Variants in DPH6 observed in about 807,000 individuals in gnomAD.
The protein encoded by DPH6 is diphthine--ammonia ligase.
Under a neutral mutation model 38.2 loss-of-function variants are expected in DPH6, and 33 were observed. The ratio of observed to expected loss-of-function variants is 0.86; its 90% CI spans 0.65 to 1.15. DPH6 has a LOEUF of 1.15. Ranked by LOEUF, DPH6 falls within the 50% of genes most tolerant of loss-of-function variation. The pLI is 0.00. For missense variants in DPH6, 325 were observed against 320.0 expected (o/e 1.02, Z -0.12); for synonymous variants, 108 against 103.0 (o/e 1.05, Z -0.30).
chr15:35,170,019 C>T, the DPH6 span, among the ~76,000 whole-genome samples: 6,142 of 152,276 alleles, frequency 0.04, 339 homozygotes, highest in East Asian at 0.3. Flanking sequence ...GTCTGACATA[C>T]AACTGCATTT....
At chr15:35,286,768 A>T (rs2051946655) in intron 3 of DPH6, among the ~76,000 whole-genome samples, 1 of 152,184 alleles carries the variant, frequency 6.6e-6, no homozygotes, top group Non-Finnish European at 1.5e-5. Flanking sequence ...TATTTGAAAA[A>T]GTTTTTCTTT....
chr15:35,405,436 T>A (rs2053278751), intron 6 of DPH6, among the ~76,000 whole-genome samples: 1 of 152,064 alleles, frequency 6.6e-6, no homozygotes, highest in South Asian at 2.1e-4. Context: ...TTTGGTCAAT[T>A]CCTGGGTATT....
chr15:35,416,029 C>T (rs558463787), intron 5 of DPH6, among the ~76,000 whole-genome samples: 1 of 151,998 alleles, frequency 6.6e-6, no homozygotes, highest in South Asian at 2.1e-4. Flanking sequence ...ATTCATGGGC[C>T]TGATGTTTTA....
intron 3 of DPH6, among the ~76,000 whole-genome samples, chr15:35,511,744 G>T (rs1026077360): frequency 6.6e-6 from 1 of 151,756 alleles, no homozygotes; most frequent in Non-Finnish European, 1.5e-5. Flanking sequence ...TTCCCTAACT[G>T]CATCAAAAGT....
At chr15:35,217,000 A>G (rs182028663), downstream of DPH6, among the ~76,000 whole-genome samples, 94 of 152,362 alleles carry the variant, frequency 6.2e-4, no homozygotes, top group Admixed American at 1.8e-3. Flanking sequence ...CACAACTTGT[A>G]AAACTGGTGT....
chr15:35,240,945 A>T lies in DPH6; in HGVS notation n.201-20363T>A, dbSNP rs2140400971. On this transcript the variant is annotated intron_variant and non_coding_transcript_variant, in intron 3 of 3. Coordinates refer to the DPH6 transcript ENST00000560386. ...TGCAATTCCTTGCCTCCACTGTGAG[A>T]CAAACCCCAGCCACATCTCCAGCAC... Among the ~76,000 whole-genome samples the T allele has an allele frequency of 1.4e-5, 2 of 143,532 alleles. 1 individual carries two copies. Among genetic ancestry groups the T allele is most frequent in the South Asian group, 4.8e-4 (2 of 4,136 alleles). 94.2% of individuals were successfully genotyped at this position (143,532 alleles called of 152,430 possible). A position where few individuals can be genotyped will look rare whatever the true frequency, so the allele number is the denominator to read the frequency against.
At chr15:35,535,048 A>G (rs2055148560) in intron 3 of DPH6, among the ~76,000 whole-genome samples, 1 of 152,222 alleles carries the variant, frequency 6.6e-6, no homozygotes, top group African/African-American at 2.4e-5. Context: ...CACCTGGATT[A>G]CATGCCTATC....
rs184677750 is a variant in DPH6 at position 35,245,459 on chromosome 15, C to T, written n.201-24877G>A. ...TTCACTGTGTTAGCCAGGATGGTCT[C>T]GATCTCCTGACCTTGTGATCCACCT... is the stretch of plus-strand genomic sequence containing the variant. On this transcript the variant is annotated intron_variant and non_coding_transcript_variant, in intron 3 of 3. Coordinates refer to the DPH6 transcript ENST00000560386. Among the ~76,000 whole-genome samples, 962 of 152,100 alleles carry T rather than the reference C, an allele frequency of 6.3e-3. 11 individuals are homozygous for T. The highest frequency in any genetic ancestry group is 0.022 in the African/African-American group (925 of 41,494).
the DPH6 span, among the ~76,000 whole-genome samples, chr15:35,198,865 A>G: frequency 1.3e-5 from 2 of 152,086 alleles, no homozygotes; most frequent in African/African-American, 4.8e-5. Flanking sequence ...AAATAGTAAC[A>G]CTTCAAATAC....
At chr15:35,248,079 T>C (rs2051648004) in intron 3 of DPH6, among the ~76,000 whole-genome samples, 1 of 152,214 alleles carries the variant, frequency 6.6e-6, no homozygotes, top group African/African-American at 2.4e-5. Context: ...TGGAAGTCCA[T>C]GTGTAACTAA....
At chr15:35,427,975 C>G (rs2053589911) in intron 5 of DPH6, among the ~76,000 whole-genome samples, 1 of 151,764 alleles carries the variant, frequency 6.6e-6, no homozygotes, top group African/African-American at 2.4e-5. Flanking sequence ...AGACAAGAGG[C>G]AGCCTAAGAA....
Position 35,342,148 on chromosome 15 carries a change from A to C in DPH6, n.208-11071T>G, listed in dbSNP as rs1300654819. Among the ~76,000 whole-genome samples the C allele has an allele frequency of 2.6e-5, 4 of 152,086 alleles. No homozygotes were observed. The East Asian group carries it at 7.8e-4, about 30-fold the overall frequency. Reference sequence around the variant, plus strand: ...TGATGCTGCTTGGCTCCCTGGGTTCACCCTCTTCCTAGGGATATGTATGGA... The same window carrying C: ...TGATGCTGCTTGGCTCCCTGGGTTCCCCCTCTTCCTAGGGATATGTATGGA... On this transcript the variant is annotated intron_variant and non_coding_transcript_variant, in intron 3 of 3. Transcript: ENST00000558973.
At chr15:35,249,821 G>T (rs772876334) in intron 3 of DPH6, among the ~76,000 whole-genome samples, 1 of 152,086 alleles carries the variant, frequency 6.6e-6, no homozygotes, top group Non-Finnish European at 1.5e-5. Flanking sequence ...ATACTTATAA[G>T]CACAGCATAA....
At chr15:35,481,434 A>G (rs1387168912) in intron 3 of DPH6, among the ~76,000 whole-genome samples, 1 of 152,202 alleles carries the variant, frequency 6.6e-6, no homozygotes, top group Non-Finnish European at 1.5e-5. Context: ...ATATTAACCA[A>G]TTGCAATACA....
At chr15:35,359,221 A>T (rs943668925) in intron 3 of DPH6, among the ~76,000 whole-genome samples, 1 of 151,312 alleles carries the variant, frequency 6.6e-6, no homozygotes. Flanking sequence ...GGCCGGTCTC[A>T]CTCCCACCAT....
chr15:35,439,906 G>A (rs563679050), intron 5 of DPH6, among the ~76,000 whole-genome samples: 1 of 152,130 alleles, frequency 6.6e-6, no homozygotes, highest in East Asian at 1.9e-4. Context: ...ATCAAGCCAA[G>A]TATGAGACTA....
At chr15:35,529,636 T>C (rs189564995) in intron 3 of DPH6, among the ~76,000 whole-genome samples, 12 of 152,334 alleles carry the variant, frequency 7.9e-5, no homozygotes, top group African/African-American at 2.9e-4. Context: ...TGTATAAGTG[T>C]CTTATCCTTT....
At chr15:35,456,380 G>A (rs2053996813) in intron 3 of DPH6, among the ~76,000 whole-genome samples, 1 of 151,024 alleles carries the variant, frequency 6.6e-6, no homozygotes, top group Non-Finnish European at 1.5e-5. Context: ...ATGTATAGGA[G>A]TGTGTGTATT....
At chr15:35,349,148 T>C (rs1374062570) in intron 3 of DPH6, among the ~76,000 whole-genome samples, 1 of 152,152 alleles carries the variant, frequency 6.6e-6, no homozygotes, top group African/African-American at 2.4e-5. Flanking sequence ...ATCTCTTTTA[T>C]TTCTTTTTCT....
Sources: allele counts gnomAD v4.1 joint callset (sites outside exome capture counted in the v4.1 genomes callset), GRCh38; gene constraint gnomAD v4.1.1; transcripts MANE v1.5; gene names NCBI Gene and HGNC (gene_info 2026-07-23, HGNC 2026-07-21).